Variants in CNOT1 observed in about 807,000 individuals in gnomAD.
The protein encoded by CNOT1 is CCR4-NOT transcription complex subunit 1.
CNOT1 carries 15 observed loss-of-function variants against 273.8 expected under a neutral mutation model. The observed-to-expected ratio is 0.05, with a 90% CI of 0.04 to 0.08. The LOEUF (loss-of-function observed/expected upper bound fraction) is 0.08, where lower values mean the gene tolerates loss of function less well. Ranked by LOEUF, CNOT1 falls within the 10% of genes least tolerant of loss-of-function variation. CNOT1 has a pLI of 1.00. For synonymous variants in CNOT1, 1,022 were observed against 1,005.5 expected, an observed-to-expected ratio of 1.02 and a Z score of -0.31; for missense variants, 1,644 against 2,912.2, an observed-to-expected ratio of 0.56 and a Z score of 10.02.
At chr16:58,585,833 A>C (rs2041814480) in intron 7 of CNOT1, among the ~76,000 whole-genome samples, 1 of 152,218 alleles carries the variant, frequency 6.6e-6, no homozygotes, top group Non-Finnish European at 1.5e-5. Flanking sequence ...CATCAAAAAC[A>C]AACAATTAGA....
At chr16:58,577,843 C>G (rs2041512582) in intron 13 of CNOT1, among the ~76,000 whole-genome samples, 1 of 137,876 alleles carries the variant, frequency 7.3e-6, no homozygotes, top group East Asian at 2.4e-4. Flanking sequence ...GATCCTCTCT[C>G]TCAAAAAAAA....
intron 1 of CNOT1, among the ~76,000 whole-genome samples, chr16:58,628,774 TACA>T (rs757490156): frequency 6.6e-6 from 1 of 152,230 alleles, no homozygotes; most frequent in Non-Finnish European, 1.5e-5. Flanking sequence ...TTATTTTAAA[TACA>T]ACATTTTCAA....
intron 7 of CNOT1, among the ~76,000 whole-genome samples, chr16:58,585,719 T>C (rs1597513894): frequency 6.6e-6 from 1 of 152,212 alleles, no homozygotes; most frequent in African/African-American, 2.4e-5. Flanking sequence ...CTCATCAGTG[T>C]ACCTTTAACA....
At chr16:58,568,448 G>A (rs2041141641) in intron 16 of CNOT1, among the ~76,000 whole-genome samples, 2 of 151,980 alleles carry the variant, frequency 1.3e-5, no homozygotes, top group African/African-American at 4.8e-5. Context: ...CACTTTGGGA[G>A]GCCAAGGCAG....
intron 2 of CNOT1, among the ~76,000 whole-genome samples, chr16:58,592,799 C>CA (rs1233229543): frequency 6.7e-6 from 1 of 149,304 alleles, no homozygotes; most frequent in African/African-American, 2.6e-5. Flanking sequence ...TAGAGACCCA[C>CA]ATCAGCCCAC....
At position 58,520,945 on chromosome 16, in the gene CNOT1, G is replaced by C. The variant is rs1001923105; in HGVS notation, c.*13C>G. The C allele has an allele frequency of 3.1e-6, 5 of 1,611,806 alleles. No individual in the cohort carries two copies. The African/African-American group carries it at 4.0e-5, about 13-fold the overall frequency. ...CCTCTAGACTGACACGTACAACAGA[G>C]ATGCAGTTTCGTCTAACTGGCACCT... On this transcript the variant is annotated 3_prime_UTR_variant, in exon 49 of 49. Coordinates refer to ENST00000317147, the MANE Select transcript of CNOT1 (RefSeq NM_016284.5).
intron 1 of CNOT1, among the ~76,000 whole-genome samples, chr16:58,625,839 T>A (rs993458875): frequency 2.9e-5 from 4 of 135,750 alleles, no homozygotes; most frequent in Non-Finnish European, 1.5e-5. Context: ...GCCTAGGCAT[T>A]GAAGTGAAAC....
chr16:58,583,699 T>C (rs768071746), intron 8 of CNOT1, among the ~76,000 whole-genome samples: 49 of 152,094 alleles, frequency 3.2e-4, no homozygotes, highest in Non-Finnish European at 4.1e-4. Flanking sequence ...CCACCACGCA[T>C]GGCTAATTTT....
intron 21 of CNOT1, among the ~76,000 whole-genome samples, chr16:58,554,693 T>C (rs368818520): frequency 6.6e-6 from 1 of 152,138 alleles, no homozygotes; most frequent in Admixed American, 6.5e-5. Flanking sequence ...CCCAGCACTC[T>C]GGGAGGCCGA....
chr16:58,526,216 CTGTT>C, intron 44 of CNOT1, 78 bp from the exon 45 acceptor site: 1 of 1,517,246 alleles, frequency 6.6e-7, no homozygotes, highest in Non-Finnish European at 9.1e-7. Flanking sequence ...AGTGGTGGGA[CTGTT>C]TTTCTAAAAC....
chr16:58,622,996 G>A (rs759708844), intron 1 of CNOT1, among the ~76,000 whole-genome samples: 7 of 151,898 alleles, frequency 4.6e-5, no homozygotes, highest in Non-Finnish European at 7.4e-5. Context: ...TCAGGAGTTC[G>A]AGACCAGCCT....
chr16:58,626,166 G>A (rs967302693), intron 1 of CNOT1, among the ~76,000 whole-genome samples: 6 of 152,086 alleles, frequency 3.9e-5, no homozygotes, highest in South Asian at 2.1e-4. Flanking sequence ...CCAGCACTTC[G>A]GGAGACTGAG....
chr16:58,611,465 A>C (rs997839600), intron 1 of CNOT1, among the ~76,000 whole-genome samples: 1 of 152,052 alleles, frequency 6.6e-6, no homozygotes, highest in Non-Finnish European at 1.5e-5. Context: ...CTCCCCAGTC[A>C]ATTACTGAGA....
At chr16:58,529,340 TC>T (rs1446237219) in intron 43 of CNOT1, among the ~76,000 whole-genome samples, 1 of 151,952 alleles carries the variant, frequency 6.6e-6, no homozygotes, top group African/African-American at 2.4e-5. Flanking sequence ...AAAAGACACC[TC>T]CCCCTTCCTT....
At position 58,583,087 on chromosome 16, in the gene CNOT1, T is replaced by A. The variant is rs1178684300; in HGVS notation, c.902A>T (p.His301Leu). 1 of 1,614,058 alleles carries A rather than the reference T, an allele frequency of 6.2e-7. No homozygotes were observed. The highest frequency in any genetic ancestry group is 8.5e-7 in the Non-Finnish European group (1 of 1,180,020). The stretch of plus-strand genomic sequence containing the variant: ...TGGAATGCCATCTGTTAATCCTGAA[T>A]GAGTTCGAGCCATCATTCCCAAAAC... ...ARVLGMMART[H>L]SGLTDGIPLQ... is the part of the protein sequence containing the mutation. Residue 301 changes from histidine (H) to leucine (L), a missense_variant, in exon 9 of 49, where the codon CAT (histidine) becomes CTT (leucine). Around this residue, in one of 13 missense-constraint regions of CNOT1, gnomAD observed 706 missense variants for 1,021.2 expected, o/e 0.69. Transcript: ENST00000317147.
chr16:58,584,342 C>CT (rs1426367737), intron 8 of CNOT1, among the ~76,000 whole-genome samples: 6 of 151,316 alleles, frequency 4.0e-5, no homozygotes, highest in East Asian at 3.9e-4. Flanking sequence ...GTTAGTCTCG[C>CT]TTTTTTTTGA....
intron 39 of CNOT1, 40 bp from the exon 40 acceptor site, chr16:58,534,435 A>T (rs772154872): frequency 1.2e-6 from 2 of 1,600,890 alleles, no homozygotes; most frequent in South Asian, 2.2e-5. Context: ...ATGAGGTAAC[A>T]CACACAAATA....
Position 58,547,419 on chromosome 16 carries a change from T to C in CNOT1, c.3640-123A>G. The C allele has an allele frequency of 6.6e-7, 1 of 1,515,944 alleles. No individual in the cohort carries two copies. Among genetic ancestry groups the C allele is most frequent in the Non-Finnish European group, 8.9e-7 (1 of 1,126,792 alleles). The allele number at this position is 1,515,944 out of a possible 1,614,324, so 93.9% of individuals were successfully genotyped here. A position where few individuals can be genotyped will look rare whatever the true frequency, so the allele number is the denominator to read the frequency against. ...CAGGAATCAACATAATGTCTAGTCC[T>C]TGCCTTACAAAAAGGGGTTAACAAC... On this transcript the variant is annotated intron_variant, in intron 26 of 48. Transcript: ENST00000317147. This position sits in a 1 kb window ranked among gnomAD's most constrained non-coding sequence, Gnocchi z 4.0.
At chr16:58,621,061 T>TG (rs1380203940) in intron 1 of CNOT1, among the ~76,000 whole-genome samples, 2 of 151,964 alleles carry the variant, frequency 1.3e-5, no homozygotes, top group African/African-American at 4.8e-5. Flanking sequence ...TCACCCAGGC[T>TG]GGAGTGCAAT....
Sources: gnomAD v4.1 joint callset for allele counts (sites outside exome capture counted in the v4.1 genomes callset) on GRCh38, gnomAD v4.1.1 for gene constraint, gnomAD v4.1.1 regional missense constraint, Gnocchi (gnomAD v3.1) non-coding constraint, MANE v1.5 for transcripts, NCBI Gene and HGNC (gene_info 2026-07-23, HGNC 2026-07-21) for gene names.